The following COL4A6 variants were observed in gnomAD, a reference collection of about 807,000 sequenced individuals.
COL4A6 encodes the protein collagen alpha-6(IV) chain.
Under a neutral mutation model 126.7 loss-of-function variants are expected in COL4A6, and 59 were observed. The observed-to-expected ratio is 0.47, with a 90% CI of 0.38 to 0.58. The LOEUF is 0.58. Ranked by LOEUF, COL4A6 falls within the 20% of genes least tolerant of loss-of-function variation. The pLI, the probability that COL4A6 is intolerant of heterozygous loss-of-function variation, is 0.00. For synonymous variants in COL4A6, 547 were observed against 496.6 expected, an observed-to-expected ratio of 1.10 and a Z score of -1.35; for missense variants, 1,285 against 1,337.3, an observed-to-expected ratio of 0.96 and a Z score of 0.61.
intron 3 of COL4A6, among the ~76,000 whole-genome samples, chrX:108,280,143 CA>C (rs1689135080): frequency 9.0e-6 from 1 of 111,206 alleles, no homozygotes; most frequent in Non-Finnish European, 1.9e-5. Context: ...TAACTAAAAT[CA>C]GAGCAGAAAT....
At chrX:108,323,658 C>T (rs185993250) in intron 2 of COL4A6, among the ~76,000 whole-genome samples, 14 of 111,867 alleles carry the variant, frequency 1.3e-4, no homozygotes, top group African/African-American at 1.9e-4. Context: ...TAGTCACATC[C>T]GTTCTTTTTC....
chrX:108,190,410 CT>C lies in COL4A6; in HGVS notation c.1407del (p.Gly470AlafsTer5). ...LRGEQGPKGN[L>X]GLKGIKGDSG... ...AAATCACCTTTTATTCCTTTGAGGC[CT>C]AGGTTTCCTTTTGGACCTTGTTCTC... On this transcript the variant is annotated frameshift_variant, in exon 20 of 45. Coordinates refer to ENST00000334504, the MANE Select transcript of COL4A6 (RefSeq NM_033641.4). LOFTEE classifies it high-confidence loss of function. The C allele has an allele frequency of 8.3e-7, 1 of 1,203,093 alleles. No individual in the cohort carries two copies. The highest frequency in any genetic ancestry group is 1.1e-6 in the Non-Finnish European group (1 of 888,568).
chrX:108,379,652 C>T (rs2040522366), intron 2 of COL4A6, among the ~76,000 whole-genome samples: 1 of 108,713 alleles, frequency 9.2e-6, no homozygotes, highest in African/African-American at 3.4e-5. Context: ...ATAATCTTGA[C>T]TCTGCTTTAT....
intron 3 of COL4A6, among the ~76,000 whole-genome samples, chrX:108,240,930 C>G (rs1211688017): frequency 9.0e-6 from 1 of 111,166 alleles, no homozygotes; most frequent in Non-Finnish European, 1.9e-5. Context: ...GGGGAAGTAT[C>G]TCTGAAACTG....
chrX:108,280,914 T>A (rs191655892), intron 3 of COL4A6, among the ~76,000 whole-genome samples: 1 of 111,891 alleles, frequency 8.9e-6, no homozygotes, highest in Non-Finnish European at 1.9e-5. Flanking sequence ...CCTCAACAGA[T>A]GCAGAAAAGG....
At chrX:108,402,060 C>T (rs1217064349) in intron 2 of COL4A6, among the ~76,000 whole-genome samples, 2 of 111,041 alleles carry the variant, frequency 1.8e-5, no homozygotes, top group Non-Finnish European at 3.8e-5. Context: ...AAGAAACTGG[C>T]CAGTAATTTT....
chrX:108,187,686 C>A (rs1358274295), intron 22 of COL4A6, among the ~76,000 whole-genome samples, 162 bp downstream of exon 22: 1 of 112,019 alleles, frequency 8.9e-6, no homozygotes, highest in African/African-American at 3.3e-5. Context: ...TCCCACTTTA[C>A]ATAAAGGAAA....
intron 2 of COL4A6, among the ~76,000 whole-genome samples, chrX:108,324,596 A>G (rs1206375470): frequency 8.9e-6 from 1 of 112,005 alleles, no homozygotes; most frequent in Non-Finnish European, 1.9e-5. Context: ...TAGTATGAGT[A>G]TGTCCCAAAT....
At chrX:108,258,939 T>TCCTCTCTA (rs2037081505) in intron 3 of COL4A6, among the ~76,000 whole-genome samples, 1 of 110,577 alleles carries the variant, frequency 9.0e-6, no homozygotes, top group Non-Finnish European at 1.9e-5. Context: ...CTATTGAAAC[T>TCCTCTCTA]GTGATGGCTA....
intron 41 of COL4A6, among the ~76,000 whole-genome samples, chrX:108,162,404 A>AGAAGAAGAAGAG (rs1248763897): frequency 1.8e-5 from 2 of 108,304 alleles, no homozygotes; most frequent in Non-Finnish European, 3.8e-5. Context: ...GAAGAAAAGA[A>AGAAGAAGAAGAG]GAAGAAGAAG....
At chrX:108,208,196 C>G (rs927746747) in intron 8 of COL4A6, among the ~76,000 whole-genome samples, 1 of 111,703 alleles carries the variant, frequency 9.0e-6, no homozygotes, top group Non-Finnish European at 1.9e-5. Context: ...ACTAACAGAA[C>G]TTCAAGTAGA....
intron 2 of COL4A6, among the ~76,000 whole-genome samples, chrX:108,429,589 G>A (rs2064143913): frequency 8.9e-6 from 1 of 111,977 alleles, no homozygotes; most frequent in Non-Finnish European, 1.9e-5. Flanking sequence ...ACAACTAGGG[G>A]AAAACTGGAT....
At chrX:108,399,724 AT>A (rs1359061165) in intron 2 of COL4A6, among the ~76,000 whole-genome samples, 1 of 111,831 alleles carries the variant, frequency 8.9e-6, no homozygotes, top group African/African-American at 3.2e-5. Flanking sequence ...ATTATTAACC[AT>A]TTTGAAAGTT....
intron 2 of COL4A6, among the ~76,000 whole-genome samples, chrX:108,417,787 A>G (rs1388541225): frequency 1.8e-5 from 2 of 111,999 alleles, no homozygotes; most frequent in African/African-American, 6.5e-5. Context: ...TTGTTTCATA[A>G]AATTATCAAA....
intron 2 of COL4A6, among the ~76,000 whole-genome samples, chrX:108,397,081 C>A (rs1298135646): frequency 1.8e-5 from 2 of 112,013 alleles, no homozygotes; most frequent in East Asian, 5.6e-4. Flanking sequence ...CAGTTATACA[C>A]ACAGTAGATT....
At chrX:108,394,450 A>G (rs1434628072) in intron 2 of COL4A6, among the ~76,000 whole-genome samples, 1 of 111,818 alleles carries the variant, frequency 8.9e-6, no homozygotes, top group Non-Finnish European at 1.9e-5. Flanking sequence ...AAAAGAAAAA[A>G]AAAGTAATGG....
At chrX:108,323,415 G>T (rs190630557) in intron 2 of COL4A6, among the ~76,000 whole-genome samples, 7 of 111,839 alleles carry the variant, frequency 6.3e-5, no homozygotes, top group African/African-American at 2.3e-4. Flanking sequence ...AAGATAAAAA[G>T]ATATGCTTCT....
At chrX:108,159,260 T>A (rs2033839451) in intron 44 of COL4A6, among the ~76,000 whole-genome samples, 1 of 112,332 alleles carries the variant, frequency 8.9e-6, no homozygotes, top group African/African-American at 3.2e-5. Flanking sequence ...AACCACTGGG[T>A]GCAAACTGCT....
At chrX:108,175,355 C>T in intron 29 of COL4A6, 140 bp from the exon 30 acceptor site, 2 of 760,620 alleles carry the variant, frequency 2.6e-6, no homozygotes, top group Non-Finnish European at 3.7e-6. Flanking sequence ...CCTATTCCCC[C>T]AACTTCACAT....
Sources: allele counts gnomAD v4.1 joint callset (sites outside exome capture counted in the v4.1 genomes callset), GRCh38; gene constraint gnomAD v4.1.1; transcripts MANE v1.5; gene names NCBI Gene and HGNC (gene_info 2026-07-23, HGNC 2026-07-21).